The following JUNB variants were observed in gnomAD, a reference collection of about 807,000 sequenced individuals.
JUNB encodes transcription factor JunB.
JUNB carries 6 observed loss-of-function variants against 16.4 expected under a neutral mutation model. That is an observed-to-expected ratio of 0.37 (90% CI 0.20 to 0.72). The LOEUF is 0.72. JUNB is among the 30% of genes least tolerant of loss of function. The pLI, the probability that JUNB is intolerant of heterozygous loss-of-function variation, is 0.53. For missense variants in JUNB, 389 were observed against 492.9 expected (o/e 0.79, Z 2.00); for synonymous variants, 226 against 232.8 (o/e 0.97, Z 0.27).
rs1020379347 is a variant in JUNB, at chr19:12,792,536, G to C, written c.765G>C (p.Thr255=). The C allele has an allele frequency of 1.9e-6, 3 of 1,568,738 alleles. No homozygotes were observed. The African/African-American group carries it at 4.0e-5, about 21-fold the overall frequency. The stretch of plus-strand genomic sequence containing the variant: ...CGGAGGCGCGCAGCCGGGACGCCAC[G>C]CCGCCGGTGTCCCCCATCAACATGG... ...TVPEARSRDA[T]PPVSPINMED... Residue 255 remains threonine, a synonymous_variant, in exon 1 of 1, where the codon ACG becomes ACC. Coordinates refer to ENST00000302754, the MANE Select transcript of JUNB (RefSeq NM_002229.3).
In JUNB at chr19:12,792,773, C is replaced by T; in HGVS notation, c.1002C>T (p.Asn334=). ...LKQKVMTHVS[N]GCQLLLGVKG... is the part of the protein sequence containing the mutation. Reference sequence around the variant, plus strand: ...AGAAGGTCATGACCCACGTCAGCAACGGCTGTCAGCTGCTGCTTGGGGTCA... The same window carrying T: ...AGAAGGTCATGACCCACGTCAGCAATGGCTGTCAGCTGCTGCTTGGGGTCA... The change falls in exon 1 of 1, where the codon AAC becomes AAT. Residue 334 remains asparagine, a synonymous_variant. Transcript: ENST00000302754. 1.2e-6 allele frequency: 2 copies of T among 1,605,848 alleles called. No homozygotes were observed. Among genetic ancestry groups the T allele is most frequent in the South Asian group, 1.1e-5 (1 of 90,882 alleles).
At position 12,791,750 on chromosome 19, in the gene JUNB, C is replaced by T; in HGVS notation, c.-22C>T. On this transcript the variant is annotated 5_prime_UTR_variant, in exon 1 of 1. Transcript: ENST00000302754. This position sits in a 1 kb window ranked among gnomAD's most constrained non-coding sequence, Gnocchi z 7.0. ...CGGAGCGGCCCCGCAGGGACCCTCC[C>T]CAGACCGCCTGGGCCGCCCGGATGT... 1 of 1,576,474 alleles carries T rather than the reference C, an allele frequency of 6.3e-7. No homozygotes were observed. Among genetic ancestry groups the T allele is most frequent in the Non-Finnish European group, 8.6e-7 (1 of 1,157,246 alleles).
In JUNB at chr19:12,792,542, G is replaced by A. The variant is rs1434466412; in HGVS notation, c.771G>A (p.Pro257=). ...CGCGCAGCCGGGACGCCACGCCGCC[G>A]GTGTCCCCCATCAACATGGAAGACC... The part of the protein sequence containing the change: ...PEARSRDATP[P]VSPINMEDQE... The change falls in exon 1 of 1, where the codon CCG becomes CCA. Residue 257 remains proline, a synonymous_variant. Coordinates refer to ENST00000302754, the MANE Select transcript of JUNB (RefSeq NM_002229.3). 1 of 1,569,634 alleles carries A rather than the reference G, an allele frequency of 6.4e-7. No individual in the cohort carries two copies. The highest frequency in any genetic ancestry group is 1.9e-5 in the Admixed American group (1 of 53,206).
In JUNB at chr19:12,791,935, C is replaced by T; in HGVS notation, c.164C>T (p.Ala55Val). The change falls in exon 1 of 1, where the codon GCT becomes GTT. Residue 55 changes from alanine to valine, a missense_variant. Coordinates refer to ENST00000302754, the MANE Select transcript of JUNB (RefSeq NM_002229.3). The surrounding 1 kb of genome is among the most constrained non-coding windows in gnomAD (Gnocchi z 7.0). ...TACCGGAGTCTCAAAGCGCCTGGGG[C>T]TCGCGGACCCGGCCCAGAGGGCGGC... ...DPYRSLKAPG[A>V]RGPGPEGGGG... The T allele has an allele frequency of 6.2e-7, 1 of 1,611,762 alleles. No individual in the cohort carries two copies. Among genetic ancestry groups the T allele is most frequent in the African/African-American group, 1.3e-5 (1 of 75,042 alleles).
In JUNB at chr19:12,791,737, G is replaced by A. The variant is rs1276791517; in HGVS notation, c.-35G>A. The A allele has an allele frequency of 2.0e-6, 3 of 1,511,224 alleles. No homozygotes were observed. The highest frequency in any genetic ancestry group is 2.3e-5 in the East Asian group (1 of 43,444). The allele number at this position is 1,511,224 out of a possible 1,614,324, so 93.6% of individuals were successfully genotyped here. Reference sequence around the variant, plus strand: ...CTGCAGCGAGGCCCGGAGCGGCCCCGCAGGGACCCTCCCCAGACCGCCTGG... The same window carrying A: ...CTGCAGCGAGGCCCGGAGCGGCCCCACAGGGACCCTCCCCAGACCGCCTGG... On this transcript the variant is annotated 5_prime_UTR_variant, in exon 1 of 1. Coordinates refer to ENST00000302754, the MANE Select transcript of JUNB (RefSeq NM_002229.3). The surrounding 1 kb of genome is among the most constrained non-coding windows in gnomAD (Gnocchi z 7.0).
At position 12,792,303 on chromosome 19, in the gene JUNB, C is replaced by T. The variant is rs1226853530; in HGVS notation, c.532C>T (p.Pro178Ser). Reference protein sequence around the residue: ...GPGGVYAGPEPPPVYTNLSSY... With the variant: ...GPGGVYAGPESPPVYTNLSSY... The stretch of plus-strand genomic sequence containing the variant: ...CGGGGGCGTCTACGCCGGCCCGGAG[C>T]CACCTCCCGTTTACACCAACCTCAG... Residue 178 changes from proline (P) to serine (S), a missense_variant, in exon 1 of 1, where the codon CCA becomes TCA. Transcript: ENST00000302754. The T allele has an allele frequency of 3.3e-6, 5 of 1,500,698 alleles. No homozygotes were observed. Among genetic ancestry groups the T allele is most frequent in the Admixed American group, 2.4e-5 (1 of 42,282 alleles). The allele number at this position is 1,500,698 out of a possible 1,614,324, so 93.0% of individuals were successfully genotyped here.
chr19:12,792,251 C>T lies in JUNB; in HGVS notation c.480C>T (p.Gly160=). 1 of 1,505,376 alleles carries T rather than the reference C, an allele frequency of 6.6e-7. No homozygotes were observed. Among genetic ancestry groups the T allele is most frequent in the Non-Finnish European group, 8.9e-7 (1 of 1,124,376 alleles). 93.3% of individuals were successfully genotyped at this position (1,505,376 alleles called of 1,614,324 possible). A position where few individuals can be genotyped will look rare whatever the true frequency, so the allele number is the denominator to read the frequency against. Residue 160 remains glycine, a synonymous_variant, in exon 1 of 1, where the codon GGC becomes GGT. Transcript: ENST00000302754. ...TGACACCCCCCAACGTGTCCCTGGG[C>T]GCTACCGGGGGGCCCCCGGCTGGGC... ...NHVTPPNVSL[G]ATGGPPAGPG...
rs780779147 is a variant in JUNB, at chr19:12,791,814, T to C, written c.43T>C (p.Tyr15His). The C allele has an allele frequency of 6.2e-7, 1 of 1,613,468 alleles. No individual in the cohort carries two copies. Among genetic ancestry groups the C allele is most frequent in the Non-Finnish European group, 8.5e-7 (1 of 1,179,792 alleles). ...ACAGCCCTTCTACCACGACGACTCA[T>C]ACACAGCTACGGGATACGGCCGGGC... ...MEQPFYHDDS[Y>H]TATGYGRAPG... Residue 15 changes from tyrosine to histidine, a missense_variant, in exon 1 of 1, where the codon TAC becomes CAC. By Grantham distance (83) the Tyr-to-His change is moderately conservative (BLOSUM62 2). This residue lies in a region of JUNB where 349 missense variants were observed against 389.8 expected (regional missense o/e 0.90). Transcript: ENST00000302754. This position sits in a 1 kb window ranked among gnomAD's most constrained non-coding sequence, Gnocchi z 7.0.
In JUNB at chr19:12,792,893, G is replaced by A; in HGVS notation, c.*78G>A. On this transcript the variant is annotated 3_prime_UTR_variant, in exon 1 of 1. Coordinates refer to ENST00000302754, the MANE Select transcript of JUNB (RefSeq NM_002229.3). The stretch of plus-strand genomic sequence containing the variant: ...CCTCCCACTGGGGTCCAGGGAGCAG[G>A]CGGTGGGCACCCACCCTGGGACCTA... The A allele has an allele frequency of 6.7e-7, 1 of 1,490,264 alleles. No homozygotes were observed. 92.3% of individuals were successfully genotyped at this position (1,490,264 alleles called of 1,614,324 possible).
Position 12,791,548 on chromosome 19 carries a change from G to C in JUNB, c.-224G>C. ...CAGGGAGCTGGGAGCTGGGGGAAAC[G>C]ACGCCAGGAAAGCTATCGCGCCAGA... On this transcript the variant is annotated 5_prime_UTR_variant, in exon 1 of 1. Coordinates refer to ENST00000302754, the MANE Select transcript of JUNB (RefSeq NM_002229.3). The surrounding 1 kb of genome is among the most constrained non-coding windows in gnomAD (Gnocchi z 7.0). 2 of 485,160 alleles carry C rather than the reference G, an allele frequency of 4.1e-6. No individual in the cohort carries two copies. Among genetic ancestry groups the C allele is most frequent in the East Asian group, 3.5e-5 (1 of 28,974 alleles). 30.1% of individuals were successfully genotyped at this position (485,160 alleles called of 1,614,324 possible). A position where few individuals can be genotyped will look rare whatever the true frequency, so the allele number is the denominator to read the frequency against.
Position 12,792,095 on chromosome 19 carries a change from G to C in JUNB, c.324G>C (p.Gln108His). ...VITTTPTPPG[Q>H]YFYPRGGGSG... is the part of the protein sequence containing the mutation. ...CGACGACGCCTACACCCCCGGGACA[G>C]TACTTTTACCCCCGCGGGGGTGGCA... The change falls in exon 1 of 1, where the codon CAG (glutamine) becomes CAC (histidine). Residue 108 changes from glutamine (Q) to histidine (H), a missense_variant. Coordinates refer to ENST00000302754, the MANE Select transcript of JUNB (RefSeq NM_002229.3). 1 of 1,601,914 alleles carries C rather than the reference G, an allele frequency of 6.2e-7. No individual in the cohort carries two copies.
Position 12,791,934 on chromosome 19 carries a change from G to T in JUNB, c.163G>T (p.Ala55Ser). ...CTACCGGAGTCTCAAAGCGCCTGGG[G>T]CTCGCGGACCCGGCCCAGAGGGCGG... ...DPYRSLKAPG[A>S]RGPGPEGGGG... Residue 55 changes from alanine (A) to serine (S), a missense_variant, in exon 1 of 1, where the codon GCT (alanine) becomes TCT (serine). Transcript: ENST00000302754. The surrounding 1 kb of genome is among the most constrained non-coding windows in gnomAD (Gnocchi z 7.0). 1.2e-6 allele frequency: 2 copies of T among 1,612,038 alleles called. No homozygotes were observed. Among genetic ancestry groups the T allele is most frequent in the Non-Finnish European group, 1.7e-6 (2 of 1,179,602 alleles).
Position 12,792,485 on chromosome 19 carries a change from C to G in JUNB, c.714C>G (p.Thr238=), listed in dbSNP as rs1285311187. The G allele has an allele frequency of 6.3e-7, 1 of 1,587,320 alleles. No homozygotes were observed. Among genetic ancestry groups the G allele is most frequent in the Admixed American group, 1.8e-5 (1 of 56,834 alleles). The change falls in exon 1 of 1, where the codon ACC becomes ACG. Residue 238 remains threonine, a synonymous_variant. Transcript: ENST00000302754. ...AQLGLGRGAS[T]FKEEPQTVPE... is the part of the protein sequence containing the mutation. The stretch of plus-strand genomic sequence containing the variant: ...TGGGCTTGGGCCGCGGCGCCTCCAC[C>G]TTCAAGGAGGAACCGCAGACCGTGC...
Position 12,791,735 on chromosome 19 carries a change from C to A in JUNB, c.-37C>A. 6.6e-7 allele frequency: 1 copy of A among 1,504,324 alleles called. No individual in the cohort carries two copies. Among genetic ancestry groups the A allele is most frequent in the Non-Finnish European group, 9.0e-7 (1 of 1,109,724 alleles). 93.2% of individuals were successfully genotyped at this position (1,504,324 alleles called of 1,614,324 possible). ...CGCTGCAGCGAGGCCCGGAGCGGCC[C>A]CGCAGGGACCCTCCCCAGACCGCCT... is the stretch of plus-strand genomic sequence containing the variant. On this transcript the variant is annotated 5_prime_UTR_variant, in exon 1 of 1. Coordinates refer to ENST00000302754, the MANE Select transcript of JUNB (RefSeq NM_002229.3). This position sits in a 1 kb window ranked among gnomAD's most constrained non-coding sequence, Gnocchi z 7.0.
In JUNB at chr19:12,793,265, G is replaced by T. The variant is rs957545636; in HGVS notation, c.*450G>T. ...GACGTGTTTGTGTTTGTGTGTGTTT[G>T]TTCTTTTTATTGAATCTATTTAAGT... On this transcript the variant is annotated 3_prime_UTR_variant, in exon 1 of 1. Transcript: ENST00000302754. The surrounding 1 kb of genome is among the most constrained non-coding windows in gnomAD (Gnocchi z 6.1). The T allele has an allele frequency of 5.9e-4, 100 of 169,950 alleles. No homozygotes were observed. The highest frequency in any genetic ancestry group is 2.3e-3 in the African/African-American group (97 of 41,362). The allele number at this position is 169,950 out of a possible 1,614,324, so 10.5% of individuals were successfully genotyped here.
Position 12,791,893 on chromosome 19 carries a change from T to C in JUNB, c.122T>C (p.Val41Ala), listed in dbSNP as rs759244188. ...AAACTCCTGAAACCGAGCCTGGCGGTCAACCTGGCCGACCCCTACCGGAGT... is the reference window on the plus strand; with the variant it reads ...AAACTCCTGAAACCGAGCCTGGCGGCCAACCTGGCCGACCCCTACCGGAGT... ...DYKLLKPSLA[V>A]NLADPYRSLK... is the part of the protein sequence containing the mutation. The change falls in exon 1 of 1, where the codon GTC (valine) becomes GCC (alanine). Residue 41 changes from valine (V) to alanine (A), a missense_variant. Physicochemically the swap from Val to Ala is moderately conservative, Grantham distance 64 (BLOSUM62 0). Transcript: ENST00000302754. This position sits in a 1 kb window ranked among gnomAD's most constrained non-coding sequence, Gnocchi z 7.0. 10 of 1,613,248 alleles carry C rather than the reference T, an allele frequency of 6.2e-6. No individual in the cohort carries two copies. The Admixed American group carries it at 1.7e-4, about 27-fold the overall frequency.
In JUNB at chr19:12,792,480, TC is replaced by T; in HGVS notation, c.711del (p.Thr238ProfsTer63). The T allele has an allele frequency of 6.3e-7, 1 of 1,588,992 alleles. No individual in the cohort carries two copies. The highest frequency in any genetic ancestry group is 1.1e-5 in the South Asian group (1 of 88,514). ...PAQLGLGRGA[S>X]TFKEEPQTVP... ...GCAGCTGGGCTTGGGCCGCGGCGCC[TC>T]CACCTTCAAGGAGGAACCGCAGACC... On this transcript the variant is annotated frameshift_variant, in exon 1 of 1. Transcript: ENST00000302754. LOFTEE classifies it high-confidence loss of function.
At position 12,791,768 on chromosome 19, in the gene JUNB, C is replaced by A; in HGVS notation, c.-4C>A. 6.3e-7 allele frequency: 1 copy of A among 1,598,102 alleles called. No homozygotes were observed. Among genetic ancestry groups the A allele is most frequent in the Non-Finnish European group, 8.6e-7 (1 of 1,169,490 alleles). Reference sequence around the variant, plus strand: ...ACCCTCCCCAGACCGCCTGGGCCGCCCGGATGTGCACTAAAATGGAACAGC... The same window carrying A: ...ACCCTCCCCAGACCGCCTGGGCCGCACGGATGTGCACTAAAATGGAACAGC... On this transcript the variant is annotated 5_prime_UTR_variant, in exon 1 of 1. Transcript: ENST00000302754. This position sits in a 1 kb window ranked among gnomAD's most constrained non-coding sequence, Gnocchi z 7.0.
Position 12,792,926 on chromosome 19 carries a change from C to G in JUNB, c.*111C>G, listed in dbSNP as rs1239231714. 54 of 1,265,006 alleles carry G rather than the reference C, an allele frequency of 4.3e-5. No homozygotes were observed. The highest frequency in any genetic ancestry group is 5.8e-5 in the Non-Finnish European group (54 of 925,156). The allele number at this position is 1,265,006 out of a possible 1,614,324, so 78.4% of individuals were successfully genotyped here. A position where few individuals can be genotyped will look rare whatever the true frequency, so the allele number is the denominator to read the frequency against. ...CACCCACCCTGGGACCTAGGGGCGC[C>G]GCAAACCACACTGGACTCCGGCCCT... On this transcript the variant is annotated 3_prime_UTR_variant, in exon 1 of 1. Coordinates refer to ENST00000302754, the MANE Select transcript of JUNB (RefSeq NM_002229.3).
Sources: allele counts gnomAD v4.1 joint callset, GRCh38; gene constraint gnomAD v4.1.1; regional missense constraint gnomAD v4.1.1; non-coding constraint Gnocchi (gnomAD v3.1); transcripts MANE v1.5; gene names NCBI Gene and HGNC (gene_info 2026-07-23, HGNC 2026-07-21).